Variants in LURAP1L observed in about 807,000 individuals in gnomAD.
LURAP1L encodes leucine rich adaptor protein 1-like.
LURAP1L carries 12 observed loss-of-function variants against 13.8 expected under a neutral mutation model. That is an observed-to-expected ratio of 0.87 (90% confidence interval 0.56 to 1.41). The LOEUF is 1.41. LURAP1L is among the 40% of genes most tolerant of loss of function. LURAP1L has a pLI of 0.00. For synonymous variants in LURAP1L, 139 were observed against 119.2 expected (o/e 1.17, Z -1.08); for missense variants, 375 against 292.9 (o/e 1.28, Z -2.04).
Position 12,775,940 on chromosome 9 carries a change from C to T in LURAP1L, c.225C>T (p.Ser75=). Reference sequence around the variant, plus strand: ...CCTCCTTGTCGTCCTCCTCTTCGTCCTCCCCAACCTCTGGCTCCCCACGAG... The same window carrying T: ...CCTCCTTGTCGTCCTCCTCTTCGTCTTCCCCAACCTCTGGCTCCCCACGAG... ...FPPSLSSSSS[S]SPTSGSPRGS... Residue 75 remains serine, a synonymous_variant, in exon 1 of 2, where the codon TCC becomes TCT. Transcript: ENST00000319264. The T allele has an allele frequency of 6.3e-7, 1 of 1,583,174 alleles. No homozygotes were observed. Among genetic ancestry groups the T allele is most frequent in the Non-Finnish European group, 8.6e-7 (1 of 1,164,670 alleles).
chr9:12,779,539 G>C (rs1043089852), intron 1 of LURAP1L, among the ~76,000 whole-genome samples: 4 of 151,924 alleles, frequency 2.6e-5, no homozygotes, highest in Non-Finnish European at 4.4e-5. Flanking sequence ...CAAAGTGCTG[G>C]GATTACAGGC....
intron 1 of LURAP1L, among the ~76,000 whole-genome samples, chr9:12,795,434 A>G (rs1025889657): frequency 1.3e-5 from 2 of 152,060 alleles, no homozygotes; most frequent in Non-Finnish European, 2.9e-5. Context: ...TTCTTTCTTC[A>G]AGAAATTCCT....
At chr9:12,800,376 A>G (rs1819568752) in intron 1 of LURAP1L, among the ~76,000 whole-genome samples, 1 of 152,300 alleles carries the variant, frequency 6.6e-6, no homozygotes, top group East Asian at 1.9e-4. Flanking sequence ...AAAATCCAAG[A>G]GTTAATTAGT....
At chr9:12,778,574 T>C (rs1819224137) in intron 1 of LURAP1L, among the ~76,000 whole-genome samples, 1 of 152,210 alleles carries the variant, frequency 6.6e-6, no homozygotes, top group Non-Finnish European at 1.5e-5. Context: ...GATTTGGGAC[T>C]GATGAAGGCC....
Position 12,798,494 on chromosome 9 carries a change from T to C in LURAP1L, c.312+22467T>C, listed in dbSNP as rs141782363. On this transcript the variant is annotated intron_variant, in intron 1 of 1. Coordinates refer to ENST00000319264, the MANE Select transcript of LURAP1L (RefSeq NM_203403.2). ...CCTAGATTGTTTCCTTCTTCATTCT[T>C]TTCACCTTTTGTAGTAAGAACTGAG... Among the ~76,000 whole-genome samples the C allele has an allele frequency of 4.4e-3, 671 of 152,304 alleles. 6 individuals are homozygous for C. Among genetic ancestry groups the C allele is most frequent in the South Asian group, 0.027 (130 of 4,826 alleles).
At position 12,775,730 on chromosome 9, in the gene LURAP1L, G is replaced by T; in HGVS notation, c.15G>T (p.Pro5=). The change falls in exon 1 of 2, where the codon CCG becomes CCT. Residue 5 remains proline, a synonymous_variant. Transcript: ENST00000319264. MEDS[P]LPDLRDIELK... Reference sequence around the variant, plus strand: ...CCGGAAAAGTCATGGAAGACAGCCCGCTGCCAGACCTCAGAGACATCGAGC... The same window carrying T: ...CCGGAAAAGTCATGGAAGACAGCCCTCTGCCAGACCTCAGAGACATCGAGC... The T allele has an allele frequency of 6.3e-7, 1 of 1,581,394 alleles. No individual in the cohort carries two copies. Among genetic ancestry groups the T allele is most frequent in the African/African-American group, 1.4e-5 (1 of 72,972 alleles).
At chr9:12,782,205 G>A (rs1196872211) in intron 1 of LURAP1L, among the ~76,000 whole-genome samples, 1 of 152,168 alleles carries the variant, frequency 6.6e-6, no homozygotes, top group Admixed American at 6.5e-5. Flanking sequence ...CATTTCATGG[G>A]TTGTCTCTCC....
chr9:12,808,093 A>T (rs1403907146), intron 1 of LURAP1L, among the ~76,000 whole-genome samples: 1 of 152,108 alleles, frequency 6.6e-6, no homozygotes, highest in African/African-American at 2.4e-5. Context: ...ATTTTGAACA[A>T]ACTGTTCTGT....
In LURAP1L at chr9:12,779,216, C is replaced by G. The variant is rs566524848; in HGVS notation, c.312+3189C>G. On this transcript the variant is annotated intron_variant, in intron 1 of 1. Coordinates refer to ENST00000319264, the MANE Select transcript of LURAP1L (RefSeq NM_203403.2). ...GTGAGACTTTACTATGTGTAAGACA[C>G]GGTGCTAGTTAAACATTTTATATGT... Among the ~76,000 whole-genome samples, 251 of 149,546 alleles carry G rather than the reference C, an allele frequency of 1.7e-3. 2 individuals are homozygous for G. The highest frequency in any genetic ancestry group is 5.0e-3 in the African/African-American group (204 of 40,814).
In LURAP1L at chr9:12,776,729, C is replaced by G. The variant is rs562814501; in HGVS notation, c.312+702C>G. ...CAGGGATCTGCTAAGGACCATCTCC[C>G]ACCCTTCTCCCTCAAGTCTCAATCT... On this transcript the variant is annotated intron_variant, in intron 1 of 1. Coordinates refer to ENST00000319264, the MANE Select transcript of LURAP1L (RefSeq NM_203403.2). Among the ~76,000 whole-genome samples the G allele has an allele frequency of 4.6e-5, 7 of 152,224 alleles. No individual in the cohort carries two copies. In the East Asian group the frequency reaches 9.7e-4, roughly 21 times the overall value.
chr9:12,795,694 T>A (rs987831084), intron 1 of LURAP1L, among the ~76,000 whole-genome samples: 2 of 152,070 alleles, frequency 1.3e-5, no homozygotes, highest in Non-Finnish European at 1.5e-5. Context: ...CACTTGTAGT[T>A]GTTATGTTAG....
chr9:12,793,425 T>G (rs1355121615), intron 1 of LURAP1L, among the ~76,000 whole-genome samples: 1 of 152,112 alleles, frequency 6.6e-6, no homozygotes, highest in Admixed American at 6.6e-5. Flanking sequence ...CTTATAGAAT[T>G]AGACCGATGC....
At chr9:12,789,421 G>A (rs1268482094) in intron 1 of LURAP1L, among the ~76,000 whole-genome samples, 2 of 152,076 alleles carry the variant, frequency 1.3e-5, no homozygotes, top group Non-Finnish European at 2.9e-5. Context: ...TCATAGAAGG[G>A]TGAATGACAA....
intron 1 of LURAP1L, among the ~76,000 whole-genome samples, chr9:12,786,744 T>C (rs768967625): frequency 1.3e-5 from 2 of 151,356 alleles, no homozygotes; most frequent in Non-Finnish European, 2.9e-5. Flanking sequence ...ACTGAAGACA[T>C]AATATCTCTC....
At chr9:12,787,656 T>C (rs1819375942) in intron 1 of LURAP1L, among the ~76,000 whole-genome samples, 1 of 152,174 alleles carries the variant, frequency 6.6e-6, no homozygotes. Context: ...CACCATTTCA[T>C]TTTCAGATAC....
chr9:12,792,372 C>T (rs1242281897), intron 1 of LURAP1L, among the ~76,000 whole-genome samples: 1 of 152,096 alleles, frequency 6.6e-6, no homozygotes, highest in African/African-American at 2.4e-5. Context: ...TCCTGTGAGA[C>T]ATTATTTTGC....
intron 1 of LURAP1L, among the ~76,000 whole-genome samples, chr9:12,819,693 G>A (rs565730919): frequency 6.7e-4 from 102 of 152,260 alleles, no homozygotes; most frequent in Middle Eastern, 3.4e-3. Context: ...GGTGACTCAC[G>A]CTTGTAATCT....
intron 1 of LURAP1L, chr9:12,777,551 T>G (rs948190200): frequency 2.1e-5 from 20 of 974,146 alleles, no homozygotes; most frequent in Non-Finnish European, 2.3e-5. Context: ...ATTCACTTAA[T>G]CTAATAAATA....
intron 1 of LURAP1L, among the ~76,000 whole-genome samples, chr9:12,778,892 T>C (rs1819228437): frequency 6.6e-6 from 1 of 152,194 alleles, no homozygotes; most frequent in Non-Finnish European, 1.5e-5. Context: ...GGAGATATGT[T>C]CCAAGACCTC....
Sources: allele counts gnomAD v4.1 joint callset (sites outside exome capture counted in the v4.1 genomes callset), GRCh38; gene constraint gnomAD v4.1.1; transcripts MANE v1.5; gene names NCBI Gene and HGNC (gene_info 2026-07-23, HGNC 2026-07-21).